Variants in SULT1E1 observed in about 807,000 individuals in gnomAD.
SULT1E1 encodes sulfotransferase 1E1.
Under a neutral mutation model 33.6 loss-of-function variants are expected in SULT1E1, and 36 were observed. That is an observed-to-expected ratio of 1.07 (90% CI 0.82 to 1.41). The LOEUF (loss-of-function observed/expected upper bound fraction) is 1.41. Ranked by LOEUF, SULT1E1 falls within the 40% of genes most tolerant of loss-of-function variation. SULT1E1 has a pLI of 0.00. For synonymous variants in SULT1E1, 121 were observed against 111.7 expected (o/e 1.08, Z -0.53); for missense variants, 371 against 345.7 (o/e 1.07, Z -0.58).
chr4:69,852,882 C>T (rs998462550), intron 4 of SULT1E1, among the ~76,000 whole-genome samples: 2 of 152,034 alleles, frequency 1.3e-5, no homozygotes, highest in African/African-American at 4.8e-5. Flanking sequence ...CACCACTATC[C>T]TCCAAAGGAA....
chr4:69,844,138 G>A (rs553993825), intron 7 of SULT1E1, 23 bp downstream of exon 7: 8 of 1,612,496 alleles, frequency 5.0e-6, no homozygotes, highest in East Asian at 4.5e-5. Flanking sequence ...CTCTAGTATC[G>A]AGGCAAACCA....
At chr4:69,858,462 T>C (rs1721297021) in intron 1 of SULT1E1, among the ~76,000 whole-genome samples, 1 of 152,134 alleles carries the variant, frequency 6.6e-6, no homozygotes, top group Admixed American at 6.5e-5. Context: ...TTCAAATTCC[T>C]TTAGTATCTT....
At chr4:69,822,838 A>T in the SULT1E1 span, among the ~76,000 whole-genome samples, 1 of 152,058 alleles carries the variant, frequency 6.6e-6, no homozygotes, top group Non-Finnish European at 1.5e-5. Context: ...TACATGGGAG[A>T]TGTTTAGAAG....
downstream of SULT1E1, among the ~76,000 whole-genome samples, chr4:69,837,529 G>A (rs1720814113): frequency 2.0e-5 from 3 of 152,184 alleles, no homozygotes; most frequent in South Asian, 6.2e-4. Context: ...TTTGTTAAAT[G>A]AGAGGTTAAA....
Position 69,841,954 on chromosome 4 carries a change from A to C in SULT1E1, c.*40T>G, listed in dbSNP as rs532655047. On this transcript the variant is annotated 3_prime_UTR_variant, in exon 8 of 8. Coordinates refer to ENST00000226444, the MANE Select transcript of SULT1E1 (RefSeq NM_005420.3). ...GAAAAAGTGGAGAATAATGAAAAGA[A>C]ATCTTTAATATCAGATATGTTAAGT... is the stretch of plus-strand genomic sequence containing the variant. 9.2e-7 allele frequency: 1 copy of C among 1,088,140 alleles called. No individual in the cohort carries two copies. The highest frequency in any genetic ancestry group is 1.4e-5 in the South Asian group (1 of 69,722). The allele number at this position is 1,088,140 out of a possible 1,614,324, so 67.4% of individuals were successfully genotyped here.
At chr4:69,859,959 AT>A (rs538705336) in intron 1 of SULT1E1, 89 bp downstream of exon 1, 1 of 152,100 alleles carries the variant, frequency 6.6e-6, no homozygotes, top group Non-Finnish European at 1.5e-5. Flanking sequence ...TGTATATTTT[AT>A]TTTTAAGAGC....
chr4:69,847,729 A>G lies in SULT1E1; in HGVS notation c.560T>C (p.Val187Ala). 1 of 1,608,252 alleles carries G rather than the reference A, an allele frequency of 6.2e-7. No individual in the cohort carries two copies. The highest frequency in any genetic ancestry group is 1.1e-5 in the South Asian group (1 of 90,564). The change falls in exon 6 of 8, where the codon GTA becomes GCA. Residue 187 changes from valine (V) to alanine (A), a missense_variant. By Grantham distance (64) the Val-to-Ala change is moderately conservative. Transcript: ENST00000226444. ...SWWEKGKSPRVLFLFYEDLKE... is the reference protein window; with the variant it reads ...SWWEKGKSPRALFLFYEDLKE... ...CAGGTCTTCGTAGAAAAGAAATAGT[A>G]CACGTGGACTCTTTCCCTTTTCCCA...
chr4:69,855,523 T>A, intron 2 of SULT1E1, 97 bp from the exon 3 acceptor site: 2 of 1,254,492 alleles, frequency 1.6e-6, no homozygotes, highest in South Asian at 3.5e-5. Flanking sequence ...AAGGTACCAA[T>A]GCAATACTAT....
At chr4:69,834,208 C>G in the SULT1E1 span, among the ~76,000 whole-genome samples, 1 of 152,150 alleles carries the variant, frequency 6.6e-6, no homozygotes, top group Non-Finnish European at 1.5e-5. Flanking sequence ...GTCTCCTGAG[C>G]TCCAGGTTTG....
downstream of SULT1E1, among the ~76,000 whole-genome samples, chr4:69,840,229 T>A (rs1440821552): frequency 1.3e-5 from 2 of 152,184 alleles, no homozygotes. Context: ...GCTTTGATTC[T>A]TAAAAACTAT....
the SULT1E1 span, among the ~76,000 whole-genome samples, chr4:69,835,352 G>A: frequency 6.6e-6 from 1 of 152,214 alleles, no homozygotes; most frequent in Non-Finnish European, 1.5e-5. Context: ...AAGTGGAACT[G>A]TGCGTGTCTT....
intron 4 of SULT1E1, among the ~76,000 whole-genome samples, chr4:69,850,846 T>C (rs1721085978): frequency 6.6e-6 from 1 of 152,118 alleles, no homozygotes; most frequent in Non-Finnish European, 1.5e-5. Flanking sequence ...CCTAAACTTC[T>C]ATTAGTTTAT....
chr4:69,855,130 C>T (rs573373641), intron 3 of SULT1E1, among the ~76,000 whole-genome samples, 171 bp downstream of exon 3: 4 of 152,034 alleles, frequency 2.6e-5, no homozygotes, highest in South Asian at 4.1e-4. Flanking sequence ...TGTACACATA[C>T]TATACTGCAA....
downstream of SULT1E1, among the ~76,000 whole-genome samples, chr4:69,836,735 A>G (rs1280725114): frequency 6.6e-6 from 1 of 152,082 alleles, no homozygotes; most frequent in Non-Finnish European, 1.5e-5. Flanking sequence ...TTTTGCATAC[A>G]TGTGTTTGTG....
intron 6 of SULT1E1, 43 bp from the exon 7 acceptor site, chr4:69,844,384 A>G (rs780356792): frequency 1.2e-5 from 17 of 1,426,516 alleles, no homozygotes; most frequent in Non-Finnish European, 5.8e-6. Flanking sequence ...GCTAAAACTG[A>G]ATAAATCACT....
chr4:69,851,278 G>GA (rs1242291526), intron 4 of SULT1E1, among the ~76,000 whole-genome samples: 3 of 151,764 alleles, frequency 2.0e-5, no homozygotes, highest in African/African-American at 7.3e-5. Context: ...AAATTTACAA[G>GA]AAAAAAACAA....
the SULT1E1 span, among the ~76,000 whole-genome samples, chr4:69,826,551 G>GT: frequency 1.3e-5 from 2 of 152,020 alleles, no homozygotes; most frequent in Admixed American, 6.6e-5. Context: ...ACCACAGGTG[G>GT]TTTTTTCTTT....
Position 69,844,311 on chromosome 4 carries a change from G to T in SULT1E1, c.622C>A (p.His208Asn). The change falls in exon 7 of 8, where the codon CAT (histidine) becomes AAT (asparagine). Residue 208 changes from histidine (H) to asparagine (N), a missense_variant. Transcript: ENST00000226444. ...DIRKEVIKLIHFLERKPSEEL... is the reference protein window; with the variant it reads ...DIRKEVIKLINFLERKPSEEL... ...TCTGATGGCTTCCTTTCCAGGAAATGTATCAATTTTATCACCTCTTTTCTG... is the reference window on the plus strand; with the variant it reads ...TCTGATGGCTTCCTTTCCAGGAAATTTATCAATTTTATCACCTCTTTTCTG... The T allele has an allele frequency of 6.2e-7, 1 of 1,613,412 alleles. No homozygotes were observed. The highest frequency in any genetic ancestry group is 8.5e-7 in the Non-Finnish European group (1 of 1,179,622).
chr4:69,856,957 A>G (rs1721254096), intron 2 of SULT1E1, among the ~76,000 whole-genome samples: 2 of 151,158 alleles, frequency 1.3e-5, no homozygotes, highest in South Asian at 4.2e-4. Context: ...AAAAAAAAAA[A>G]AAAAGATAAC....
Sources: gnomAD v4.1 joint callset for allele counts (sites outside exome capture counted in the v4.1 genomes callset) on GRCh38, gnomAD v4.1.1 for gene constraint, MANE v1.5 for transcripts, NCBI Gene and HGNC (gene_info 2026-07-23, HGNC 2026-07-21) for gene names.